LRTM3: variants seen among roughly 807,000 people sequenced by gnomAD.
LRTM3 encodes leucine rich repeat transmembrane protein 3.
the LRTM3 span, among the ~76,000 whole-genome samples, chr13:102,756,673 TAAAAAAA>T: frequency 1.2e-4 from 8 of 67,024 alleles, no homozygotes; most frequent in Non-Finnish European, 1.7e-4. Context: ...AAACTCTGTC[TAAAAAAA>T]AAAAAAAAAA....
chr13:102,756,979 C>CT, the LRTM3 span, among the ~76,000 whole-genome samples: 2 of 152,198 alleles, frequency 1.3e-5, no homozygotes, highest in Admixed American at 6.5e-5. Flanking sequence ...GCTAAAAATC[C>CT]TTTTTTTCTC....
chr13:102,745,636 A>G, the LRTM3 span: 1 of 1,551,042 alleles, frequency 6.4e-7, no homozygotes, highest in East Asian at 2.4e-5. Context: ...TCGTCGTTTT[A>G]GGTGTAGATA....
At chr13:102,747,554 C>G in the LRTM3 span, 3 of 1,550,810 alleles carry the variant, frequency 1.9e-6, no homozygotes, top group African/African-American at 4.1e-5. Flanking sequence ...AGGTAAATAT[C>G]TTTTTACATC....
the LRTM3 span, chr13:102,748,342 T>C: frequency 6.4e-7 from 1 of 1,551,100 alleles, no homozygotes; most frequent in Non-Finnish European, 8.7e-7. Flanking sequence ...TTTTTATGGC[T>C]TCTAATTCTT....
At chr13:102,745,871 G>A in the LRTM3 span, 15 of 1,551,092 alleles carry the variant, frequency 9.7e-6, 1 homozygote, top group South Asian at 1.3e-4. Flanking sequence ...CTTCAAAATA[G>A]TTTGTGTAAA....
At chr13:102,747,380 A>G in the LRTM3 span, 1 of 1,550,250 alleles carries the variant, frequency 6.5e-7, no homozygotes, top group Non-Finnish European at 8.7e-7. Flanking sequence ...AGTACCACAT[A>G]TATTAATATA....
chr13:102,737,959 T>A, the LRTM3 span: 1 of 1,551,132 alleles, frequency 6.4e-7, no homozygotes, highest in Admixed American at 2.0e-5. Flanking sequence ...CTACTCCATC[T>A]GCTTTCTGTT....
chr13:102,734,792 A>C, the LRTM3 span: 1 of 1,551,180 alleles, frequency 6.4e-7, no homozygotes, highest in Non-Finnish European at 8.7e-7. Flanking sequence ...AGATTTGGTC[A>C]GAACCACACC....
At chr13:102,745,296 TAA>T in the LRTM3 span, 1 of 1,550,420 alleles carries the variant, frequency 6.4e-7, no homozygotes, top group Non-Finnish European at 8.7e-7. Flanking sequence ...TCACGTGAAG[TAA>T]TACTATCTTC....
the LRTM3 span, chr13:102,732,712 C>G: frequency 6.4e-7 from 1 of 1,551,220 alleles, no homozygotes; most frequent in Non-Finnish European, 8.7e-7. Flanking sequence ...TTCCTCTCTC[C>G]TTCTCCAGAT....
At chr13:102,744,617 G>T in the LRTM3 span, 8 of 1,550,476 alleles carry the variant, frequency 5.2e-6, no homozygotes, top group Middle Eastern at 1.0e-3. Flanking sequence ...TCTGCCTTCG[G>T]GACTCTTCGG....
At chr13:102,733,472 TAC>T in the LRTM3 span, 1 of 1,551,332 alleles carries the variant, frequency 6.4e-7, no homozygotes, top group Non-Finnish European at 8.7e-7. Context: ...AAGTGTGACA[TAC>T]AGTTCCTTAG....
the LRTM3 span, chr13:102,744,410 G>A: frequency 6.5e-7 from 1 of 1,549,902 alleles, no homozygotes; most frequent in Admixed American, 2.0e-5. Context: ...TTCATCCCAA[G>A]GGGTATCACG....
chr13:102,733,750 C>G, the LRTM3 span: 2 of 1,551,366 alleles, frequency 1.3e-6, no homozygotes, highest in Non-Finnish European at 1.7e-6. Flanking sequence ...CTAACTGATT[C>G]AAATCTTCTT....
chr13:102,742,011 T>C, the LRTM3 span: 2 of 1,550,568 alleles, frequency 1.3e-6, no homozygotes, highest in South Asian at 2.4e-5. Flanking sequence ...GACAATGACC[T>C]TTGCATTTCT....
chr13:102,753,896 G>T, the LRTM3 span, among the ~76,000 whole-genome samples: 1 of 152,110 alleles, frequency 6.6e-6, no homozygotes, highest in Non-Finnish European at 1.5e-5. Flanking sequence ...GAATGGGCAT[G>T]ATCTAATCCT....
the LRTM3 span, chr13:102,737,186 T>C: frequency 1.3e-6 from 2 of 1,551,102 alleles, no homozygotes; most frequent in Non-Finnish European, 1.7e-6. Context: ...TTTTCCTCTA[T>C]CTACTTCTTT....
At chr13:102,740,421 C>T in the LRTM3 span, 2 of 1,550,208 alleles carry the variant, frequency 1.3e-6, no homozygotes, top group Non-Finnish European at 1.7e-6. Flanking sequence ...TCTGATAATG[C>T]TTCCTTTTCC....
chr13:102,739,573 G>T, the LRTM3 span: 1 of 1,549,998 alleles, frequency 6.5e-7, no homozygotes, highest in African/African-American at 1.4e-5. Context: ...CTTGCATCTT[G>T]CCCTCTTGTT....
Sources: allele counts gnomAD v4.1 joint callset (sites outside exome capture counted in the v4.1 genomes callset), GRCh38; gene constraint gnomAD v4.1.1; transcripts MANE v1.5; gene names NCBI Gene and HGNC (gene_info 2026-07-23, HGNC 2026-07-21).